ARHGEF25: variants seen among roughly 807,000 people sequenced by gnomAD.
ARHGEF25 encodes RAC/CDC42 exchange factor.
Under a neutral mutation model 74.0 loss-of-function variants are expected in ARHGEF25, and 42 were observed. The ratio of observed to expected loss-of-function variants is 0.57; its 90% CI spans 0.44 to 0.73. The LOEUF is 0.73. Among genes scored for constraint, ARHGEF25 ranks in the 30% least tolerant of loss-of-function variants. The pLI is 0.00. For missense variants in ARHGEF25, 645 were observed against 725.5 expected (o/e 0.89, Z 1.27); for synonymous variants, 293 against 278.6 (o/e 1.05, Z -0.51).
At position 57,614,696 on chromosome 12, in the gene ARHGEF25, G is replaced by A. The variant is rs1373751027; in HGVS notation, c.824G>A (p.Arg275Gln). Residue 275 changes from arginine to glutamine, a missense_variant, in exon 9 of 15, where the codon CGG becomes CAG. Transcript: ENST00000286494. This position sits in a 1 kb window ranked among gnomAD's most constrained non-coding sequence, Gnocchi z 4.6. ...CCCTGTCCCTGTCCCCAGGAGCTCC[G>A]GCAGCAGCTGGGGCACCGCCTGCAG... ...EFGDSYFEEL[R>Q]QQLGHRLQLN... 2.5e-6 allele frequency: 4 copies of A among 1,613,442 alleles called. No homozygotes were observed. The highest frequency in any genetic ancestry group is 2.2e-5 in the East Asian group (1 of 44,874).
At chr12:57,615,337 T>G (rs752175808) in intron 11 of ARHGEF25, 23 bp downstream of exon 11, 1 of 1,593,382 alleles carries the variant, frequency 6.3e-7, no homozygotes, top group Non-Finnish European at 8.5e-7. Context: ...GGCAAGAAAC[T>G]GGAGGCCCGA....
At position 57,615,319 on chromosome 12, in the gene ARHGEF25, G is replaced by A. The variant is rs765669117; in HGVS notation, c.1038+5G>A. 3.7e-6 allele frequency: 6 copies of A among 1,603,106 alleles called. No homozygotes were observed. Among genetic ancestry groups the A allele is most frequent in the East Asian group, 2.2e-5 (1 of 44,740 alleles). On this transcript the variant is annotated splice_donor_5th_base_variant and intron_variant, in intron 11 of 14. Coordinates refer to ENST00000286494, the MANE Select transcript of ARHGEF25 (RefSeq NM_182947.4). Reference sequence around the variant, plus strand: ...GGGAGATTGCGGGGATTTGAGGTACGGAGATAGGGCAAGAAACTGGAGGCC... The same window carrying A: ...GGGAGATTGCGGGGATTTGAGGTACAGAGATAGGGCAAGAAACTGGAGGCC...
At chr12:57,615,212 T>A in intron 10 of ARHGEF25, 25 bp from the exon 11 acceptor site, 1 of 1,578,346 alleles carries the variant, frequency 6.3e-7, no homozygotes, top group Non-Finnish European at 8.6e-7. Flanking sequence ...CGCCCAACAA[T>A]GCGCCTCCCT....
upstream of ARHGEF25, chr12:57,610,261 A>G (rs1480826269): frequency 9.5e-6 from 15 of 1,573,730 alleles, no homozygotes; most frequent in Non-Finnish European, 1.3e-5. Flanking sequence ...CTGACCGGAT[A>G]CTGGGGGTCA....
upstream of ARHGEF25, chr12:57,611,295 T>G (rs970274718): frequency 5.6e-5 from 15 of 267,388 alleles, no homozygotes; most frequent in Non-Finnish European, 7.9e-5. This position sits in a 1 kb window ranked among gnomAD's most constrained non-coding sequence, Gnocchi z 4.5. Flanking sequence ...GCTGGGGACG[T>G]GGAGTGGGAA....
At position 57,611,799 on chromosome 12, in the gene ARHGEF25, A is replaced by AG. The variant is rs878857795; in HGVS notation, c.-89dup. ...CACAGCCTGGACCGGGGTAGGAGGG[A>AG]GGGGGGGTGTGCGCCCGGCGCCGTC... On this transcript the variant is annotated 5_prime_UTR_variant, in exon 1 of 15. Transcript: ENST00000286494. The surrounding 1 kb of genome is among the most constrained non-coding windows in gnomAD (Gnocchi z 4.5). 7 of 1,054,684 alleles carry AG rather than the reference A, an allele frequency of 6.6e-6. No homozygotes were observed. In the East Asian group the frequency reaches 1.3e-4, roughly 19 times the overall value. 65.3% of individuals were successfully genotyped at this position (1,054,684 alleles called of 1,614,324 possible). A position where few individuals can be genotyped will look rare whatever the true frequency, so the allele number is the denominator to read the frequency against.
At chr12:57,616,602 C>T in intron 14 of ARHGEF25, 107 bp downstream of exon 14, 3 of 1,111,778 alleles carry the variant, frequency 2.7e-6, no homozygotes, top group Non-Finnish European at 3.9e-6. Context: ...TTATCTGGTC[C>T]TTCCTACTTC....
chr12:57,613,182 A>G, intron 2 of ARHGEF25, 38 bp downstream of exon 2: 1 of 1,611,202 alleles, frequency 6.2e-7, no homozygotes, highest in Non-Finnish European at 8.5e-7. Context: ...TGGGACATCT[A>G]TGAAGGACAC....
chr12:57,616,000 A>G lies in ARHGEF25; in HGVS notation c.1403A>G (p.Gln468Arg). The change falls in exon 13 of 15, where the codon CAA becomes CGA. Residue 468 changes from glutamine (Q) to arginine (R), a missense_variant. Gln to Arg is a conservative substitution (Grantham distance 43). Transcript: ENST00000286494. ...IKHVAQILES[Q>R]RDFLNALQSP... ...CATGTGGCTCAGATCTTGGAGAGCC[A>G]ACGGGACTTCCTCAACGGTGAAGCT... 1.2e-6 allele frequency: 2 copies of G among 1,612,686 alleles called. No individual in the cohort carries two copies. The highest frequency in any genetic ancestry group is 1.1e-5 in the South Asian group (1 of 90,900).
rs1027230570 is a variant in ARHGEF25 at position 57,614,753 on chromosome 12, G to A, written c.881G>A (p.Arg294Gln). 4.3e-6 allele frequency: 7 copies of A among 1,611,794 alleles called. No homozygotes were observed. The highest frequency in any genetic ancestry group is 2.2e-5 in the East Asian group (1 of 44,876). ...LNDLLIKPVQ[R>Q]IMKYQLLLKD... ...GACCTCCTCATCAAACCTGTGCAGC[G>A]GATCATGAAATACCAGCTGCTGCTC... The change falls in exon 9 of 15, where the codon CGG (arginine) becomes CAG (glutamine). Residue 294 changes from arginine to glutamine, a missense_variant. By Grantham distance (43) the Arg-to-Gln change is conservative. Around this residue, in one of 3 missense-constraint regions of ARHGEF25, gnomAD observed 194 missense variants for 269.4 expected, o/e 0.72. Coordinates refer to ENST00000286494, the MANE Select transcript of ARHGEF25 (RefSeq NM_182947.4). The surrounding 1 kb of genome is among the most constrained non-coding windows in gnomAD (Gnocchi z 4.6).
intron 10 of ARHGEF25, 61 bp from the exon 11 acceptor site, chr12:57,615,176 G>A: frequency 1.3e-6 from 2 of 1,557,200 alleles, no homozygotes; most frequent in South Asian, 2.4e-5. Context: ...GGCCGAGGAG[G>A]CCTCTTTCCC....
In ARHGEF25 at chr12:57,613,803, C is replaced by T. The variant is rs201086113; in HGVS notation, c.552+43C>T. 1.4e-4 allele frequency: 228 copies of T among 1,605,992 alleles called. No individual in the cohort carries two copies. In the African/African-American group the frequency reaches 2.8e-3, roughly 19 times the overall value. Reference sequence around the variant, plus strand: ...TTCCCAGCCCCTCCTGCCTGCTTTTCCATCTGCCCAGGGCTATTTTCAGGA... The same window carrying T: ...TTCCCAGCCCCTCCTGCCTGCTTTTTCATCTGCCCAGGGCTATTTTCAGGA... On this transcript the variant is annotated intron_variant, in intron 5 of 14. Coordinates refer to ENST00000286494, the MANE Select transcript of ARHGEF25 (RefSeq NM_182947.4).
intron 11 of ARHGEF25, 35 bp downstream of exon 11, chr12:57,615,349 G>T (rs1358872972): frequency 1.3e-6 from 2 of 1,588,668 alleles, no homozygotes; most frequent in Non-Finnish European, 1.7e-6. Context: ...GAGGCCCGAT[G>T]CTCTTCTGCC....
In ARHGEF25 at chr12:57,613,353, G is replaced by A; in HGVS notation, c.402G>A (p.Lys134=). The A allele has an allele frequency of 6.2e-7, 1 of 1,614,240 alleles. No individual in the cohort carries two copies. The highest frequency in any genetic ancestry group is 8.5e-7 in the Non-Finnish European group (1 of 1,180,036). ...CACTGTTGGAGGGCCCTGGAGATAA[G>A]ACGCAGGTGTGAGGACAGGCTCTGG... is the stretch of plus-strand genomic sequence containing the variant. The part of the protein sequence containing the change: ...LTTLLEGPGD[K]TQPPEEETLS... The change falls in exon 3 of 15, where the codon AAG becomes AAA. Residue 134 remains lysine, a synonymous_variant. Transcript: ENST00000286494.
rs756625592 is a variant in ARHGEF25 at position 57,614,708 on chromosome 12, G to T, written c.836G>T (p.Gly279Val). The T allele has an allele frequency of 1.2e-6, 2 of 1,613,538 alleles. No homozygotes were observed. Among genetic ancestry groups the T allele is most frequent in the Non-Finnish European group, 1.7e-6 (2 of 1,179,902 alleles). Residue 279 changes from glycine to valine, a missense_variant, in exon 9 of 15, where the codon GGG becomes GTG. By Grantham distance (109) the Gly-to-Val change is moderately radical. Coordinates refer to ENST00000286494, the MANE Select transcript of ARHGEF25 (RefSeq NM_182947.4). The surrounding 1 kb of genome is among the most constrained non-coding windows in gnomAD (Gnocchi z 4.6). ...SYFEELRQQL[G>V]HRLQLNDLLI... is the part of the protein sequence containing the mutation. ...CCCCAGGAGCTCCGGCAGCAGCTGG[G>T]GCACCGCCTGCAGCTGAACGACCTC...
At position 57,614,263 on chromosome 12, in the gene ARHGEF25, G is replaced by A. The variant is rs542870649; in HGVS notation, c.657-68G>A. On this transcript the variant is annotated intron_variant, in intron 6 of 14. Coordinates refer to ENST00000286494, the MANE Select transcript of ARHGEF25 (RefSeq NM_182947.4). The surrounding 1 kb of genome is among the most constrained non-coding windows in gnomAD (Gnocchi z 4.6). ...CTACCAGGGCAGACAGCTCGAAACTGCTGGGAGTGGGCGAGGTGGGGGTTG... is the reference window on the plus strand; with the variant it reads ...CTACCAGGGCAGACAGCTCGAAACTACTGGGAGTGGGCGAGGTGGGGGTTG... 10 of 1,595,466 alleles carry A rather than the reference G, an allele frequency of 6.3e-6. No individual in the cohort carries two copies. In the South Asian group the frequency reaches 1.1e-4, roughly 18 times the overall value.
rs745434149 is a variant in ARHGEF25 at position 57,614,713 on chromosome 12, C to T, written c.841C>T (p.Arg281Cys). The T allele has an allele frequency of 3.1e-6, 5 of 1,613,444 alleles. No individual in the cohort carries two copies. Among genetic ancestry groups the T allele is most frequent in the Non-Finnish European group, 4.2e-6 (5 of 1,179,836 alleles). ...FEELRQQLGH[R>C]LQLNDLLIKP... ...GGAGCTCCGGCAGCAGCTGGGGCAC[C>T]GCCTGCAGCTGAACGACCTCCTCAT... Residue 281 changes from arginine (R) to cysteine (C), a missense_variant, in exon 9 of 15, where the codon CGC (arginine) becomes TGC (cysteine). This residue lies in a region of ARHGEF25 where 194 missense variants were observed against 269.4 expected (regional missense o/e 0.72). Transcript: ENST00000286494. The surrounding 1 kb of genome is among the most constrained non-coding windows in gnomAD (Gnocchi z 4.6).
chr12:57,613,001 G>A lies in ARHGEF25; in HGVS notation c.169G>A (p.Gly57Ser). The A allele has an allele frequency of 6.2e-7, 1 of 1,614,136 alleles. No homozygotes were observed. The highest frequency in any genetic ancestry group is 1.1e-5 in the South Asian group (1 of 91,084). Residue 57 changes from glycine (G) to serine (S), a missense_variant, in exon 2 of 15, where the codon GGC becomes AGC. By Grantham distance (56) the Gly-to-Ser change is moderately conservative. This residue lies in a region of ARHGEF25 where 189 missense variants were observed against 199.1 expected (regional missense o/e 0.95). Transcript: ENST00000286494. ...TGCCTCCGGTCTGGCTGCCCCCTCT[G>A]GCCCCAGCTCTGGCCTCAGCTCTGG... ...SAASGLAAPS[G>S]PSSGLSSGPC... is the part of the protein sequence containing the mutation.
At position 57,615,284 on chromosome 12, in the gene ARHGEF25, G is replaced by C. The variant is rs749063493; in HGVS notation, c.1008G>C (p.Met336Ile). The C allele has an allele frequency of 2.1e-5, 34 of 1,609,150 alleles. No homozygotes were observed. Among genetic ancestry groups the C allele is most frequent in the Non-Finnish European group, 2.5e-5 (30 of 1,177,952 alleles). Residue 336 changes from methionine to isoleucine, a missense_variant, in exon 11 of 15, where the codon ATG (methionine) becomes ATC (isoleucine). Around this residue, in one of 3 missense-constraint regions of ARHGEF25, gnomAD observed 194 missense variants for 269.4 expected, o/e 0.72. Transcript: ENST00000286494. ...TTGTGCCCAAGCGCTGCAACGATAT[G>C]ATGACGCTGGGGAGATTGCGGGGAT... is the stretch of plus-strand genomic sequence containing the variant. ...MCFVPKRCND[M>I]MTLGRLRGFE...
Sources: allele counts gnomAD v4.1 joint callset, GRCh38; gene constraint gnomAD v4.1.1; regional missense constraint gnomAD v4.1.1; non-coding constraint Gnocchi (gnomAD v3.1); transcripts MANE v1.5; gene names NCBI Gene and HGNC (gene_info 2026-07-23, HGNC 2026-07-21).